Variants in WWOX observed in about 807,000 individuals in gnomAD.
WWOX encodes the protein WW domain-containing oxidoreductase.
Under a neutral mutation model 46.2 loss-of-function variants are expected in WWOX, and 69 were observed. That is an observed-to-expected ratio of 1.49 (90% CI 1.23 to 1.82). WWOX has a LOEUF of 1.82. Ranked by LOEUF, WWOX falls within the 40% of genes most tolerant of loss-of-function variation. The pLI, the probability that WWOX is intolerant of heterozygous loss-of-function variation, is 0.00. For missense variants in WWOX, 919 were observed against 542.6 expected (o/e 1.69, Z -6.89); for synonymous variants, 359 against 202.6 (o/e 1.77, Z -6.56).
chr16:78,550,925 T>G (rs528768505), intron 8 of WWOX: 6 of 152,284 alleles, frequency 3.9e-5, no homozygotes, highest in African/African-American at 1.4e-4. Flanking sequence ...CAGCATTAAT[T>G]GATAAATCCA....
At chr16:78,823,256 T>C (rs1186007518) in intron 8 of WWOX, among the ~76,000 whole-genome samples, 1 of 152,222 alleles carries the variant, frequency 6.6e-6, no homozygotes, top group African/African-American at 2.4e-5. Context: ...TGCTGGCAGA[T>C]GTTTGCATTC....
At chr16:78,422,684 T>TATATATATATATATATACACACAC (rs1263877025) in intron 6 of WWOX, among the ~76,000 whole-genome samples, 1 of 52,970 alleles carries the variant, frequency 1.9e-5, no homozygotes, top group Non-Finnish European at 3.3e-5. Flanking sequence ...TATATATATA[T>TATATATATATATATATACACACAC]ACACACACAC....
chr16:78,257,240 G>T (rs1401644004), intron 5 of WWOX, among the ~76,000 whole-genome samples: 1 of 152,148 alleles, frequency 6.6e-6, no homozygotes, highest in East Asian at 1.9e-4. Flanking sequence ...GTTTAGGCAT[G>T]TATGTTTCTC....
chr16:78,792,900 G>A (rs975904199), intron 8 of WWOX, among the ~76,000 whole-genome samples: 2 of 152,136 alleles, frequency 1.3e-5, no homozygotes, highest in Admixed American at 6.5e-5. Flanking sequence ...ACAGAGTGCT[G>A]TACAGACAGA....
At chr16:79,022,373 C>T (rs2047551551) in intron 8 of WWOX, among the ~76,000 whole-genome samples, 1 of 151,022 alleles carries the variant, frequency 6.6e-6, no homozygotes, top group African/African-American at 2.4e-5. Flanking sequence ...AAAAGTCCCG[C>T]TTGTTATCAA....
At chr16:79,133,178 TG>T (rs1227147803) in intron 8 of WWOX, among the ~76,000 whole-genome samples, 1 of 152,264 alleles carries the variant, frequency 6.6e-6, no homozygotes, top group Non-Finnish European at 1.5e-5. Context: ...ACTTTATTTA[TG>T]TAATTAAGCG....
At chr16:78,958,309 T>G (rs1045983864) in intron 8 of WWOX, among the ~76,000 whole-genome samples, 1 of 152,196 alleles carries the variant, frequency 6.6e-6, no homozygotes. Context: ...TAACATTTAC[T>G]CTATTACTGA....
intron 5 of WWOX, among the ~76,000 whole-genome samples, chr16:78,234,471 G>A (rs527466266): frequency 6.6e-5 from 10 of 152,068 alleles, no homozygotes; most frequent in Non-Finnish European, 1.0e-4. Context: ...GTTTTTGTAC[G>A]TCTCTGCAGA....
rs372093599 is a variant in WWOX, at chr16:78,640,192, G to GGT, written c.1056+207455_1056+207456dup. 7.6e-3 allele frequency among the ~76,000 whole-genome samples: 1,124 copies of GGT among 148,546 alleles called. 16 individuals carry two copies. Among genetic ancestry groups the GGT allele is most frequent in the African/African-American group, 0.027 (1,076 of 40,004 alleles). ...GCCAACGTCCTCTCCTTGGGTCATG[G>GGT]GTGTGTGTGTGTGTGTTTTCTTCTT... On this transcript the variant is annotated intron_variant, in intron 8 of 8. Coordinates refer to ENST00000566780, the MANE Select transcript of WWOX (RefSeq NM_016373.4).
chr16:78,381,084 T>G (rs1202294208), intron 5 of WWOX, among the ~76,000 whole-genome samples: 1 of 152,198 alleles, frequency 6.6e-6, no homozygotes, highest in Non-Finnish European at 1.5e-5. Flanking sequence ...CATACTGGGC[T>G]GTAGTTCCAG....
At chr16:78,596,957 C>A (rs1294325050) in intron 8 of WWOX, among the ~76,000 whole-genome samples, 1 of 152,098 alleles carries the variant, frequency 6.6e-6, no homozygotes, top group African/African-American at 2.4e-5. Context: ...TAAACAGTAA[C>A]CATGTTCTAG....
At chr16:78,205,017 C>T (rs1027673609) in intron 5 of WWOX, among the ~76,000 whole-genome samples, 7 of 152,154 alleles carry the variant, frequency 4.6e-5, no homozygotes, top group African/African-American at 9.7e-5. Flanking sequence ...AATGAATAAA[C>T]TGTTTTGTTG....
At position 78,620,129 on chromosome 16, in the gene WWOX, T is replaced by A. The variant is rs144363066; in HGVS notation, c.1056+187377T>A. On this transcript the variant is annotated intron_variant, in intron 8 of 8. Transcript: ENST00000566780. Reference sequence around the variant, plus strand: ...TGGCACACAGTTGATGAGGATGGTGTACCTAGTAGCTAATGGTGAGTAGGA... The same window carrying A: ...TGGCACACAGTTGATGAGGATGGTGAACCTAGTAGCTAATGGTGAGTAGGA... 4.9e-3 allele frequency among the ~76,000 whole-genome samples: 753 copies of A among 152,322 alleles called. 4 individuals are homozygous for A. Among genetic ancestry groups the A allele is most frequent in the Non-Finnish European group, 8.1e-3 (551 of 68,036 alleles).
intron 8 of WWOX, among the ~76,000 whole-genome samples, chr16:78,561,905 C>CT (rs1327448055): frequency 3.3e-5 from 5 of 152,196 alleles, no homozygotes; most frequent in Non-Finnish European, 5.9e-5. Flanking sequence ...ATTATCTTCT[C>CT]TGTGCCTTAA....
At chr16:78,106,019 C>G (rs1412847239) in intron 1 of WWOX, among the ~76,000 whole-genome samples, 1 of 152,124 alleles carries the variant, frequency 6.6e-6, no homozygotes, top group Non-Finnish European at 1.5e-5. Context: ...CTAGGCTGGT[C>G]TCGATCTCCT....
At chr16:78,755,784 A>C (rs1037951199) in intron 8 of WWOX, among the ~76,000 whole-genome samples, 1 of 152,204 alleles carries the variant, frequency 6.6e-6, no homozygotes, top group Non-Finnish European at 1.5e-5. Context: ...TTACAAAAAC[A>C]TACCTGGTTC....
intron 8 of WWOX, among the ~76,000 whole-genome samples, chr16:78,531,045 C>T (rs78513494): frequency 1.2e-4 from 19 of 152,098 alleles, no homozygotes; most frequent in African/African-American, 3.6e-4. Context: ...CATTAACTGT[C>T]CTTGTTTTAT....
intron 8 of WWOX, chr16:78,825,337 T>C (rs9929243): frequency 0.31 from 95,385 of 305,922 alleles, 15,347 homozygotes; most frequent in Middle Eastern, 0.39. Flanking sequence ...TCTTCAAAGC[T>C]GAACGGAATC....
intron 5 of WWOX, among the ~76,000 whole-genome samples, chr16:78,256,888 A>G (rs1362967712): frequency 6.6e-6 from 1 of 152,058 alleles, no homozygotes; most frequent in Admixed American, 6.6e-5. Flanking sequence ...TGAGTTGTTC[A>G]GTGTACAGAC....
Sources: allele counts gnomAD v4.1 joint callset (sites outside exome capture counted in the v4.1 genomes callset), GRCh38; gene constraint gnomAD v4.1.1; transcripts MANE v1.5; gene names NCBI Gene and HGNC (gene_info 2026-07-23, HGNC 2026-07-21).